Variants in SLC35F4 observed in about 807,000 individuals in gnomAD.
SLC35F4 encodes solute carrier family 35 member F4.
A neutral mutation model predicts 44.2 loss-of-function variants in SLC35F4; 24 were observed. The ratio of observed to expected loss-of-function variants is 0.54; its 90% CI spans 0.39 to 0.76. The LOEUF (loss-of-function observed/expected upper bound fraction) is 0.76. Ranked by LOEUF, SLC35F4 falls within the 30% of genes least tolerant of loss-of-function variation. The pLI is 0.00. For missense variants in SLC35F4, 562 were observed against 586.1 expected, an observed-to-expected ratio of 0.96 and a Z score of 0.42; for synonymous variants, 238 against 223.6, an observed-to-expected ratio of 1.06 and a Z score of -0.57.
At chr14:57,774,681 G>A (rs933463958) in intron 1 of SLC35F4, among the ~76,000 whole-genome samples, 5 of 152,170 alleles carry the variant, frequency 3.3e-5, no homozygotes, top group Non-Finnish European at 7.4e-5. Flanking sequence ...CTGCATCATA[G>A]CTTCTGTGCT....
intron 1 of SLC35F4, among the ~76,000 whole-genome samples, chr14:57,891,371 G>C (rs1430558588): frequency 6.6e-6 from 1 of 152,092 alleles, no homozygotes. Context: ...ATTCACAAAA[G>C]TGAGGGCTCA....
chr14:57,895,205 T>C (rs996859823), intron 1 of SLC35F4, among the ~76,000 whole-genome samples: 3 of 152,102 alleles, frequency 2.0e-5, no homozygotes, highest in Non-Finnish European at 4.4e-5. Flanking sequence ...GTACACAGAA[T>C]TGGCCAGGTT....
intron 1 of SLC35F4, among the ~76,000 whole-genome samples, chr14:57,818,856 T>C (rs1484875158): frequency 6.6e-6 from 1 of 152,196 alleles, no homozygotes; most frequent in African/African-American, 2.4e-5. Context: ...CTGTTTTACA[T>C]TTGTCATAGG....
chr14:57,569,458 A>T lies in SLC35F4; in HGVS notation c.1126+330T>A, dbSNP rs553339681. Reference sequence around the variant, plus strand: ...CTCCCTAACCTCTGCCCAACACAGCATGGCACACATGGAACATTATAACAT... The same window carrying T: ...CTCCCTAACCTCTGCCCAACACAGCTTGGCACACATGGAACATTATAACAT... On this transcript the variant is annotated intron_variant, in intron 6 of 7. Coordinates refer to ENST00000556826, the MANE Select transcript of SLC35F4 (RefSeq NM_001306087.2). Among the ~76,000 whole-genome samples the T allele has an allele frequency of 1.2e-4, 18 of 152,290 alleles. No individual in the cohort carries two copies. In the South Asian group the frequency reaches 2.9e-3, roughly 25 times the overall value.
At chr14:57,973,434 C>T (rs993427970), downstream of SLC35F4, among the ~76,000 whole-genome samples, 16 of 152,166 alleles carry the variant, frequency 1.1e-4, no homozygotes, top group Non-Finnish European at 2.2e-4. Context: ...ACACACCTTA[C>T]CTTCTTCCCA....
intron 1 of SLC35F4, among the ~76,000 whole-genome samples, chr14:57,667,399 A>T (rs62004030): frequency 0.25 from 37,421 of 151,330 alleles, 4,754 homozygotes; most frequent in South Asian, 0.31. Context: ...CAGGTTACAT[A>T]TGTATACATG....
chr14:57,875,315 C>G (rs1722109926), intron 1 of SLC35F4, among the ~76,000 whole-genome samples: 1 of 152,184 alleles, frequency 6.6e-6, no homozygotes, highest in South Asian at 2.1e-4. Flanking sequence ...TCATCCTACT[C>G]TGCTCTGAAA....
At chr14:57,731,098 T>A (rs551905219) in intron 1 of SLC35F4, among the ~76,000 whole-genome samples, 2 of 152,110 alleles carry the variant, frequency 1.3e-5, no homozygotes, top group Admixed American at 1.3e-4. Context: ...ACAAAAGGGA[T>A]CATTTGATAA....
intron 1 of SLC35F4, among the ~76,000 whole-genome samples, chr14:57,597,780 A>G (rs933319611): frequency 3.9e-5 from 6 of 152,214 alleles, no homozygotes; most frequent in African/African-American, 1.4e-4. Flanking sequence ...ATGAAGCTCA[A>G]TATTAAGACG....
In SLC35F4 at chr14:57,936,145, A is replaced by G. The variant is rs543991970; in HGVS notation, n.282+45768T>C. ...AAGGAATGCTCAGCATATGCATTTT[A>G]CCTTCTCTCTTAGTAATTTCACATG... On this transcript the variant is annotated intron_variant and non_coding_transcript_variant, in intron 1 of 1. Transcript: ENST00000556568. Among the ~76,000 whole-genome samples, 3 of 152,360 alleles carry G rather than the reference A, an allele frequency of 2.0e-5. No individual in the cohort carries two copies. The East Asian group carries it at 5.8e-4, about 29-fold the overall frequency.
At chr14:57,630,614 G>T in intron 1 of SLC35F4, 1 of 823,382 alleles carries the variant, frequency 1.2e-6, no homozygotes, top group South Asian at 1.3e-5. Context: ...CCAAATCTCA[G>T]TCAAAATCAC....
At chr14:57,675,703 G>T (rs2140286565) in intron 1 of SLC35F4, among the ~76,000 whole-genome samples, 1 of 152,048 alleles carries the variant, frequency 6.6e-6, no homozygotes, top group African/African-American at 2.4e-5. Flanking sequence ...TGACTGTTTT[G>T]TTGAGGGTTT....
intron 1 of SLC35F4, among the ~76,000 whole-genome samples, chr14:57,848,757 G>A (rs181570721): frequency 1.1e-3 from 164 of 152,244 alleles, no homozygotes; most frequent in African/African-American, 3.7e-3. Flanking sequence ...CTCTTTCTGG[G>A]GCAAACATTG....
chr14:57,877,847 G>T (rs1888435268), intron 1 of SLC35F4, among the ~76,000 whole-genome samples: 1 of 151,630 alleles, frequency 6.6e-6, no homozygotes, highest in African/African-American at 2.4e-5. Context: ...ACCATACCTG[G>T]CTAATTTTTG....
chr14:57,938,002 A>G (rs1343314315), intron 1 of SLC35F4, among the ~76,000 whole-genome samples: 1 of 152,186 alleles, frequency 6.6e-6, no homozygotes, highest in East Asian at 1.9e-4. Flanking sequence ...CCACTCCCCA[A>G]GTAAGACCTA....
rs548130678 is a variant in SLC35F4, at chr14:57,590,169, C to G, written c.290-656G>C. On this transcript the variant is annotated intron_variant, in intron 2 of 7. Transcript: ENST00000556826. The stretch of plus-strand genomic sequence containing the variant: ...CTCTGGGAGGCCAAGGTGGGAGGAT[C>G]ACTTGAATTCAGGAGTTCAAGACCA... Among the ~76,000 whole-genome samples the G allele has an allele frequency of 8.2e-4, 118 of 143,726 alleles. 1 individual carries two copies. The highest frequency in any genetic ancestry group is 1.4e-3 in the Non-Finnish European group (96 of 66,660). 94.3% of individuals were successfully genotyped at this position (143,726 alleles called of 152,430 possible).
chr14:57,584,643 T>C (rs532305293), intron 3 of SLC35F4, among the ~76,000 whole-genome samples: 2 of 152,288 alleles, frequency 1.3e-5, no homozygotes, highest in East Asian at 1.9e-4. Context: ...ACATGCACTA[T>C]AGGTAGAGTG....
intron 1 of SLC35F4, among the ~76,000 whole-genome samples, chr14:57,774,268 A>G (rs1235197098): frequency 6.6e-6 from 1 of 152,148 alleles, no homozygotes; most frequent in Non-Finnish European, 1.5e-5. Context: ...CCTGGCCCCC[A>G]CTGACTCCTG....
intron 1 of SLC35F4, among the ~76,000 whole-genome samples, chr14:57,812,339 C>A (rs1022802582): frequency 6.6e-6 from 1 of 152,162 alleles, no homozygotes; most frequent in Non-Finnish European, 1.5e-5. Context: ...TCGGTATCCA[C>A]CAAGATATAA....
Sources: gnomAD v4.1 joint callset for allele counts (sites outside exome capture counted in the v4.1 genomes callset) on GRCh38, gnomAD v4.1.1 for gene constraint, MANE v1.5 for transcripts, NCBI Gene and HGNC (gene_info 2026-07-23, HGNC 2026-07-21) for gene names.